TTC28: variants seen among roughly 807,000 people sequenced by gnomAD.
TTC28 encodes the protein tetratricopeptide repeat domain 28.
Under a neutral mutation model 198.0 loss-of-function variants are expected in TTC28, and 61 were observed. The ratio of observed to expected loss-of-function variants is 0.31; its 90% confidence interval spans 0.25 to 0.38. TTC28 has a LOEUF of 0.38. Ranked by LOEUF, TTC28 falls within the 10% of genes least tolerant of loss-of-function variation. The pLI, the probability that TTC28 is intolerant of heterozygous loss-of-function variation, is 1.00. For synonymous variants in TTC28, 1,171 were observed against 1,297.8 expected, an observed-to-expected ratio of 0.90 and a Z score of 2.10; for missense variants, 2,678 against 3,164.0, an observed-to-expected ratio of 0.85 and a Z score of 3.69.
Position 28,337,908 on chromosome 22 carries a change from G to A in TTC28, c.382-31265C>T, listed in dbSNP as rs12627849. On this transcript the variant is annotated intron_variant, in intron 2 of 22. Transcript: ENST00000397906. ...ATGATGTTAGCTGGTTATTTTGCTCGTTGGTTGATGCAGTTTCTTTCTAGC... is the reference window on the plus strand; with the variant it reads ...ATGATGTTAGCTGGTTATTTTGCTCATTGGTTGATGCAGTTTCTTTCTAGC... Among the ~76,000 whole-genome samples the A allele has an allele frequency of 3.0e-4, 46 of 152,238 alleles. No homozygotes were observed. The East Asian group carries it at 7.9e-3, about 26-fold the overall frequency.
intron 5 of TTC28, among the ~76,000 whole-genome samples, chr22:28,260,390 T>G (rs1393495042): frequency 2.0e-5 from 3 of 151,932 alleles, no homozygotes; most frequent in African/African-American, 7.2e-5. Context: ...AGTCTTTCTA[T>G]TACATATGTT....
At chr22:28,381,492 G>C (rs1320643592) in intron 2 of TTC28, among the ~76,000 whole-genome samples, 1 of 152,110 alleles carries the variant, frequency 6.6e-6, no homozygotes, top group African/African-American at 2.4e-5. Context: ...GTGCCTTCCT[G>C]TCTGCTGCAT....
intron 13 of TTC28, among the ~76,000 whole-genome samples, chr22:28,016,141 G>A (rs1455153184): frequency 6.6e-6 from 1 of 152,038 alleles, no homozygotes; most frequent in African/African-American, 2.4e-5. Context: ...AGCAGGACTT[G>A]GAGGGCCAGG....
intron 2 of TTC28, among the ~76,000 whole-genome samples, chr22:28,340,128 T>C (rs2045805693): frequency 6.6e-6 from 1 of 152,178 alleles, no homozygotes; most frequent in East Asian, 1.9e-4. Flanking sequence ...AGACAGGGAA[T>C]AAGGAACAAA....
chr22:28,252,545 T>A (rs1278776656), intron 5 of TTC28, among the ~76,000 whole-genome samples: 2 of 152,202 alleles, frequency 1.3e-5, no homozygotes, highest in East Asian at 3.8e-4. Flanking sequence ...GCCATTTACT[T>A]GCAATAAGTT....
At chr22:28,547,213 T>A (rs1342122776) in intron 2 of TTC28, among the ~76,000 whole-genome samples, 1 of 148,584 alleles carries the variant, frequency 6.7e-6, no homozygotes, top group East Asian at 1.9e-4. Flanking sequence ...TGTGTGTGTG[T>A]GAGTGTGTGT....
chr22:28,113,018 C>T (rs371656528), intron 6 of TTC28, among the ~76,000 whole-genome samples: 7 of 152,156 alleles, frequency 4.6e-5, no homozygotes, highest in African/African-American at 1.7e-4. Context: ...AGGGCCAATG[C>T]GATCATGCTC....
intron 2 of TTC28, among the ~76,000 whole-genome samples, chr22:28,616,989 T>C (rs2050914149): frequency 6.6e-6 from 1 of 152,230 alleles, no homozygotes; most frequent in African/African-American, 2.4e-5. Context: ...CTCCTTTATG[T>C]AGTGTTATAC....
chr22:28,354,973 C>T (rs990835258), intron 2 of TTC28, among the ~76,000 whole-genome samples: 2 of 111,070 alleles, frequency 1.8e-5, no homozygotes, highest in Admixed American at 1.2e-4. Flanking sequence ...TCCCTCCCCC[C>T]TCCCCCCACC....
intron 13 of TTC28, among the ~76,000 whole-genome samples, chr22:28,024,717 C>A (rs896181367): frequency 6.6e-6 from 1 of 152,170 alleles, no homozygotes; most frequent in Non-Finnish European, 1.5e-5. Context: ...CACGAGCAAC[C>A]GTTTGAGGCT....
intron 2 of TTC28, among the ~76,000 whole-genome samples, chr22:28,454,712 G>C (rs569293460): frequency 6.6e-6 from 1 of 152,248 alleles, no homozygotes; most frequent in African/African-American, 2.4e-5. Flanking sequence ...TAGATAAAAT[G>C]ATCTTTAGAT....
intron 1 of TTC28, among the ~76,000 whole-genome samples, chr22:28,677,187 T>C (rs1322391491): frequency 9.5e-6 from 1 of 105,790 alleles, no homozygotes; most frequent in East Asian, 2.2e-4. Flanking sequence ...TATATATATA[T>C]ATATATATAT....
intron 16 of TTC28, 128 bp downstream of exon 16, chr22:27,998,412 C>G (rs966610609): frequency 7.9e-6 from 11 of 1,397,410 alleles, no homozygotes; most frequent in Non-Finnish European, 9.4e-6. Flanking sequence ...AGGCTCTCTC[C>G]CTGAGTCTTC....
rs541250412 is a variant in TTC28 at position 28,389,345 on chromosome 22, T to C, written c.382-82702A>G. ...CTGCCCGGCTTTGGTATCAGGATGA[T>C]GCTGGCCTCATAAAATGAGTTAGGG... On this transcript the variant is annotated intron_variant, in intron 2 of 22. Coordinates refer to ENST00000397906, the MANE Select transcript of TTC28 (RefSeq NM_001145418.2). Among the ~76,000 whole-genome samples, 27 of 152,118 alleles carry C rather than the reference T, an allele frequency of 1.8e-4. No individual in the cohort carries two copies. In the East Asian group the frequency reaches 5.2e-3, roughly 29 times the overall value.
At chr22:28,488,331 G>C (rs1224927591) in intron 2 of TTC28, among the ~76,000 whole-genome samples, 4 of 152,118 alleles carry the variant, frequency 2.6e-5, no homozygotes, top group Admixed American at 6.6e-5. Flanking sequence ...GGACTTTTAA[G>C]GGAATGTGCC....
intron 2 of TTC28, among the ~76,000 whole-genome samples, chr22:28,513,378 G>C (rs531879059): frequency 6.6e-6 from 1 of 152,254 alleles, no homozygotes; most frequent in Non-Finnish European, 1.5e-5. Flanking sequence ...TTTAGGAGCT[G>C]AAATGGAAGT....
At chr22:28,417,300 T>TAAAAA (rs68164494) in intron 2 of TTC28, among the ~76,000 whole-genome samples, 1 of 44,650 alleles carries the variant, frequency 2.2e-5, no homozygotes, top group Non-Finnish European at 4.0e-5. Flanking sequence ...CTGTCTCTAC[T>TAAAAA]AAAAAAAAAA....
intron 12 of TTC28, among the ~76,000 whole-genome samples, chr22:28,034,456 C>T (rs1351912305): frequency 6.6e-6 from 1 of 152,210 alleles, no homozygotes; most frequent in African/African-American, 2.4e-5. Flanking sequence ...ATCGATTTCT[C>T]CTTCCCTCGT....
intron 1 of TTC28, among the ~76,000 whole-genome samples, chr22:28,669,094 T>G (rs1217739779): frequency 1.8e-5 from 2 of 111,746 alleles, no homozygotes; most frequent in Admixed American, 2.0e-4. Context: ...TAGGTGGGAA[T>G]TGAACAATGA....
Sources: allele counts gnomAD v4.1 joint callset (sites outside exome capture counted in the v4.1 genomes callset), GRCh38; gene constraint gnomAD v4.1.1; transcripts MANE v1.5; gene names NCBI Gene and HGNC (gene_info 2026-07-23, HGNC 2026-07-21).